PYGM: variants seen among roughly 807,000 people sequenced by gnomAD.
The protein encoded by PYGM is glycogen phosphorylase, muscle form.
A neutral mutation model predicts 99.3 loss-of-function variants in PYGM; 81 were observed. The ratio of observed to expected loss-of-function variants is 0.82; its 90% CI spans 0.68 to 0.98. The LOEUF (loss-of-function observed/expected upper bound fraction) is 0.98. PYGM is among the 50% of genes least tolerant of loss of function. PYGM has a pLI of 0.00. For missense variants in PYGM, 1,030 were observed against 1,158.1 expected (o/e 0.89, Z 1.61); for synonymous variants, 436 against 451.5 (o/e 0.97, Z 0.44).
In PYGM at chr11:64,747,359, C is replaced by T. The variant is rs143670942; in HGVS notation, c.2178-1G>A. On this transcript the variant is annotated splice_acceptor_variant, in intron 17 of 19. Coordinates refer to ENST00000164139, the MANE Select transcript of PYGM (RefSeq NM_005609.4). LOFTEE classifies it high-confidence loss of function. ...ATCGTAGTACTCCTGGGCATTGTAC[C>T]TGCCAGGACAGAGCTGTGGTCAGCT... 5.6e-6 allele frequency: 9 copies of T among 1,614,072 alleles called. No homozygotes were observed. In the African/African-American group the frequency reaches 9.3e-5, roughly 17 times the overall value.
Position 64,750,894 on chromosome 11 carries a change from T to TTCCTC in PYGM, c.1970-316_1970-312dup, listed in dbSNP as rs540292189. The stretch of plus-strand genomic sequence containing the variant: ...TCATGGGGTTTTTGCTTTGTTTTGT[T>TTCCTC]TCCTCTTGTTTTTTGAGACGGAGTT... On this transcript the variant is annotated intron_variant, in intron 16 of 19. Transcript: ENST00000164139. Among the ~76,000 whole-genome samples the TTCCTC allele has an allele frequency of 6.9e-4, 105 of 152,284 alleles. 1 individual carries two copies. In the South Asian group the frequency reaches 0.013, roughly 19 times the overall value.
Position 64,758,687 on chromosome 11 carries a change from AG to A in PYGM, c.260del (p.Ser87PhefsTer2). On this transcript the variant is annotated frameshift_variant, in exon 2 of 20. Transcript: ENST00000164139. LOFTEE classifies it high-confidence loss of function. ...EKDPKRIYYL[S>X]LEFYMGRTLQ... ...GCGTCCGTCCCATATAGAACTCTAA[AG>A]ACAGGTAGTAGATCCTCTGCCCAGA... is the stretch of plus-strand genomic sequence containing the variant. 6.2e-7 allele frequency: 1 copy of A among 1,609,596 alleles called. No homozygotes were observed.
chr11:64,748,613 A>G (rs2058330960), intron 17 of PYGM: 1 of 152,218 alleles, frequency 6.6e-6, no homozygotes, highest in Non-Finnish European at 1.5e-5. Flanking sequence ...GTAATATTTA[A>G]CAAACCGGAA....
In PYGM at chr11:64,746,914, C is replaced by T. The variant is rs752356841; in HGVS notation, c.2379+7G>A. The stretch of plus-strand genomic sequence containing the variant: ...GCCCTGCCAACCCCTGGCCCAGGAC[C>T]CCTCACCTTGTACAAGGCGCTGACT... On this transcript the variant is annotated splice_region_variant and intron_variant, in intron 19 of 19. Coordinates refer to ENST00000164139, the MANE Select transcript of PYGM (RefSeq NM_005609.4). The T allele has an allele frequency of 6.2e-7, 1 of 1,614,198 alleles. No individual in the cohort carries two copies. Among genetic ancestry groups the T allele is most frequent in the South Asian group, 1.1e-5 (1 of 91,084 alleles).
Position 64,753,193 on chromosome 11 carries a change from G to A in PYGM, c.1404-6C>T. On this transcript the variant is annotated splice_polypyrimidine_tract_variant and splice_region_variant and intron_variant, in intron 11 of 19. Coordinates refer to ENST00000164139, the MANE Select transcript of PYGM (RefSeq NM_005609.4). ...GCTCATAGAAGTCTTTGAAGCTGCA[G>A]GATGAGGTTGGACGAGGGTCACCAC... 6.3e-7 allele frequency: 1 copy of A among 1,599,198 alleles called. No individual in the cohort carries two copies. The highest frequency in any genetic ancestry group is 8.6e-7 in the Non-Finnish European group (1 of 1,166,596).
At chr11:64,751,076 G>C (rs1015803370) in intron 16 of PYGM, 4 of 490,550 alleles carry the variant, frequency 8.2e-6, no homozygotes, top group Non-Finnish European at 1.5e-5. Flanking sequence ...ATTTTTAGTA[G>C]AGACGGGGTT....
Position 64,753,947 on chromosome 11 carries a change from GCACCGGC to G in PYGM, c.1164_1170del (p.Trp388CysfsTer34), listed in dbSNP as rs757710672. 4 of 1,601,500 alleles carry G rather than the reference GCACCGGC, an allele frequency of 2.5e-6. No homozygotes were observed. The Admixed American group carries it at 6.8e-5, about 27-fold the overall frequency. ...CGCGGCAGCAGCGTCTCCAAGAGGT[GCACCGGC>G]CAGCGCTCCAGGGCCTCGGGCAGCA... is the stretch of plus-strand genomic sequence containing the variant. On this transcript the variant is annotated frameshift_variant, in exon 10 of 20. Coordinates refer to ENST00000164139, the MANE Select transcript of PYGM (RefSeq NM_005609.4). LOFTEE classifies it high-confidence loss of function.
At chr11:64,746,389 T>G, downstream of PYGM, 4 of 557,008 alleles carry the variant, frequency 7.2e-6, no homozygotes, top group South Asian at 2.1e-5. Flanking sequence ...CAAAGAGGAG[T>G]AAGGAGGCTC....
At position 64,759,715 on chromosome 11, in the gene PYGM, C is replaced by T. The variant is rs2058421138; in HGVS notation, c.184G>A (p.Asp62Asn). Residue 62 changes from aspartate to asparagine, a missense_variant, in exon 1 of 20, where the codon GAC becomes AAC. By Grantham distance (23) the Asp-to-Asn change is conservative. Coordinates refer to ENST00000164139, the MANE Select transcript of PYGM (RefSeq NM_005609.4). ...CGGATCCAGCGCCCCACGAGGTGGT[C>T]GCGCACGGTATGGGCCAGAGCAAAG... Reference protein sequence around the residue: ...YYFALAHTVRDHLVGRWIRTQ... With the variant: ...YYFALAHTVRNHLVGRWIRTQ... The T allele has an allele frequency of 2.5e-6, 4 of 1,614,192 alleles. No homozygotes were observed. The highest frequency in any genetic ancestry group is 2.7e-5 in the African/African-American group (2 of 75,062).
In PYGM at chr11:64,753,595, C is replaced by T. The variant is rs776496291; in HGVS notation, c.1327G>A (p.Ala443Thr). 6.8e-6 allele frequency: 11 copies of T among 1,608,082 alleles called. No homozygotes were observed. The highest frequency in any genetic ancestry group is 4.0e-5 in the African/African-American group (3 of 74,880). The change falls in exon 11 of 20, where the codon GCA becomes ACA. Residue 443 changes from alanine (A) to threonine (T), a missense_variant. Physicochemically the swap from Ala to Thr is moderately conservative, Grantham distance 58. Coordinates refer to ENST00000164139, the MANE Select transcript of PYGM (RefSeq NM_005609.4). ...EEGAVKRINM[A>T]HLCIAGSHAV... is the part of the protein sequence containing the mutation. Reference sequence around the variant, plus strand: ...TGCGACCCCGCGATGCACAGGTGTGCCATGTTGATGCGCTTCACTGCGCCC... The same window carrying T: ...TGCGACCCCGCGATGCACAGGTGTGTCATGTTGATGCGCTTCACTGCGCCC...
Position 64,752,468 on chromosome 11 carries a change from G to A in PYGM, c.1555C>T (p.Leu519=), listed in dbSNP as rs774694090. 4.3e-6 allele frequency: 7 copies of A among 1,614,248 alleles called. No homozygotes were observed. The highest frequency in any genetic ancestry group is 5.9e-6 in the Non-Finnish European group (7 of 1,180,034). Residue 519 remains leucine, a synonymous_variant, in exon 13 of 20, where the codon CTG becomes TTG. Coordinates refer to ENST00000164139, the MANE Select transcript of PYGM (RefSeq NM_005609.4). The part of the protein sequence containing the change: ...GEDFISDLDQ[L]RKLLSFVDDE... ...TCCACAAAGGAGAGCAGTTTGCGCA[G>A]CTGGTCCAGGTCAGAGATGAAGTCC...
In PYGM at chr11:64,755,289, A is replaced by G; in HGVS notation, c.839T>C (p.Leu280Pro). The change falls in exon 7 of 20, where the codon CTG becomes CCG. Residue 280 changes from leucine (L) to proline (P), a missense_variant. Coordinates refer to ENST00000164139, the MANE Select transcript of PYGM (RefSeq NM_005609.4). The surrounding 1 kb of genome is among the most constrained non-coding windows in gnomAD (Gnocchi z 4.1). ...RNLAENISRV[L>P]YPNDNFFEGK... ...GTGACGCACATTATCATTGGGGTAC[A>G]GGACACGAGAGATGTTCTCCGCCAG... 1 of 1,614,076 alleles carries G rather than the reference A, an allele frequency of 6.2e-7. No homozygotes were observed. The highest frequency in any genetic ancestry group is 8.5e-7 in the Non-Finnish European group (1 of 1,179,958).
rs113298513 is a variant in PYGM at position 64,747,361 on chromosome 11, G to T, written c.2178-3C>A. 6.2e-7 allele frequency: 1 copy of T among 1,614,076 alleles called. No homozygotes were observed. Among genetic ancestry groups the T allele is most frequent in the African/African-American group, 1.3e-5 (1 of 74,934 alleles). On this transcript the variant is annotated splice_region_variant and splice_polypyrimidine_tract_variant and intron_variant, in intron 17 of 19. Coordinates refer to ENST00000164139, the MANE Select transcript of PYGM (RefSeq NM_005609.4). The stretch of plus-strand genomic sequence containing the variant: ...CGTAGTACTCCTGGGCATTGTACCT[G>T]CCAGGACAGAGCTGTGGTCAGCTCC...
chr11:64,752,633 T>C (rs2058364725), intron 12 of PYGM, 129 bp from the exon 13 acceptor site: 1 of 953,668 alleles, frequency 1.0e-6, no homozygotes, highest in East Asian at 2.6e-5. Context: ...TCCCAGCCCC[T>C]CCTCCTCCAG....
rs119103253 is a variant in PYGM at position 64,751,331 on chromosome 11, C to T, written c.1963G>A (p.Glu655Lys). Reference protein sequence around the residue: ...FLENYRVSLAEKVIPAADLSE... With the variant: ...FLENYRVSLAKKVIPAADLSE... Reference sequence around the variant, plus strand: ...CCCTGTTGGCAGCACCCACCTTTCTCGGCCAGTGAGACTCGGTAGTTCTCC... The same window carrying T: ...CCCTGTTGGCAGCACCCACCTTTCTTGGCCAGTGAGACTCGGTAGTTCTCC... Residue 655 changes from glutamate to lysine, a missense_variant, in exon 16 of 20, where the codon GAG becomes AAG. Glu to Lys is a moderately conservative substitution (Grantham distance 56, BLOSUM62 1). Coordinates refer to ENST00000164139, the MANE Select transcript of PYGM (RefSeq NM_005609.4). 1.2e-5 allele frequency: 19 copies of T among 1,614,076 alleles called. No homozygotes were observed. In the South Asian group the frequency reaches 1.5e-4, roughly 13 times the overall value.
chr11:64,752,521 C>G lies in PYGM; in HGVS notation c.1519-17G>C. 6.2e-7 allele frequency: 1 copy of G among 1,607,156 alleles called. No individual in the cohort carries two copies. Among genetic ancestry groups the G allele is most frequent in the Non-Finnish European group, 8.5e-7 (1 of 1,174,414 alleles). On this transcript the variant is annotated splice_polypyrimidine_tract_variant and intron_variant, in intron 12 of 19. Coordinates refer to ENST00000164139, the MANE Select transcript of PYGM (RefSeq NM_005609.4). The stretch of plus-strand genomic sequence containing the variant: ...CCCGATGCGCTATGGGAAGACGGCT[C>G]TCAGCCAAGCCCATCCCCATGTCCT...
chr11:64,753,731 C>G, intron 10 of PYGM, 49 bp from the exon 11 acceptor site: 1 of 1,555,514 alleles, frequency 6.4e-7, no homozygotes, highest in Non-Finnish European at 8.7e-7. Flanking sequence ...AACCCCCATC[C>G]CCAGTCCCCA....
rs1565535891 is a variant in PYGM, at chr11:64,754,246, A to G, written c.1092+7T>C. The G allele has an allele frequency of 1.2e-6, 2 of 1,610,438 alleles. No individual in the cohort carries two copies. The highest frequency in any genetic ancestry group is 1.7e-6 in the Non-Finnish European group (2 of 1,176,978). ...ATCAGATGGGGCAGAGGGGCCCTGA[A>G]GCCCACCTTGTCCCAGTCCATCCGT... On this transcript the variant is annotated splice_region_variant and intron_variant, in intron 9 of 19. Transcript: ENST00000164139. This position sits in a 1 kb window ranked among gnomAD's most constrained non-coding sequence, Gnocchi z 5.5.
At position 64,754,458 on chromosome 11, in the gene PYGM, T is replaced by A. The variant is rs937137038; in HGVS notation, c.1000-113A>T. ...GCCCAGCACGGTTCTGTGACTGGGCTGTGGGCAGAGGCAGGCCGGTGCTCA... is the reference window on the plus strand; with the variant it reads ...GCCCAGCACGGTTCTGTGACTGGGCAGTGGGCAGAGGCAGGCCGGTGCTCA... On this transcript the variant is annotated intron_variant, in intron 8 of 19. Transcript: ENST00000164139. This position sits in a 1 kb window ranked among gnomAD's most constrained non-coding sequence, Gnocchi z 5.5. 2.4e-6 allele frequency: 2 copies of A among 819,282 alleles called. No individual in the cohort carries two copies. The highest frequency in any genetic ancestry group is 1.7e-6 in the Non-Finnish European group (1 of 574,036). 50.8% of individuals were successfully genotyped at this position (819,282 alleles called of 1,614,324 possible).
Sources: gnomAD v4.1 joint callset for allele counts (sites outside exome capture counted in the v4.1 genomes callset) on GRCh38, gnomAD v4.1.1 for gene constraint, Gnocchi (gnomAD v3.1) non-coding constraint, MANE v1.5 for transcripts, NCBI Gene and HGNC (gene_info 2026-07-23, HGNC 2026-07-21) for gene names.